The following TNNI3K variants were observed in gnomAD, a reference collection of about 807,000 sequenced individuals.
TNNI3K encodes serine/threonine-protein kinase TNNI3K.
TNNI3K carries 140 observed loss-of-function variants against 114.5 expected under a neutral mutation model. The observed-to-expected ratio is 1.22, with a 90% CI of 1.07 to 1.41. The LOEUF is 1.41. TNNI3K is among the 40% of genes most tolerant of loss of function. The pLI, the probability that TNNI3K is intolerant of heterozygous loss-of-function variation, is 0.00. For synonymous variants in TNNI3K, 347 were observed against 347.5 expected, an observed-to-expected ratio of 1.00 and a Z score of 0.02; for missense variants, 1,125 against 1,007.6, an observed-to-expected ratio of 1.12 and a Z score of -1.58.
chr1:74,254,013 ATTT>A (rs1655124202), intron 4 of TNNI3K, among the ~76,000 whole-genome samples: 1 of 152,236 alleles, frequency 6.6e-6, no homozygotes, highest in South Asian at 2.1e-4. Flanking sequence ...TATATAATTC[ATTT>A]TGGGCTCCAG....
Position 74,490,965 on chromosome 1 carries a change from T to C in TNNI3K, c.2182-1132T>C, listed in dbSNP as rs532350747. On this transcript the variant is annotated intron_variant, in intron 22 of 24. Coordinates refer to ENST00000326637, the MANE Select transcript of TNNI3K (RefSeq NM_015978.3). ...TGAATGCTAGTGGATAATAAGCTCA[T>C]TGGGAGTTAAAATATAAAGTGACTG... 2.6e-5 allele frequency among the ~76,000 whole-genome samples: 4 copies of C among 152,276 alleles called. No homozygotes were observed. The East Asian group carries it at 7.7e-4, about 29-fold the overall frequency.
At chr1:74,244,163 G>A (rs1270761254) in intron 2 of TNNI3K, among the ~76,000 whole-genome samples, 1 of 152,132 alleles carries the variant, frequency 6.6e-6, no homozygotes, top group Non-Finnish European at 1.5e-5. Flanking sequence ...TTTTAAAAAT[G>A]TACATTCCAG....
intron 5 of TNNI3K, among the ~76,000 whole-genome samples, chr1:74,278,830 A>G (rs1461466448): frequency 1.3e-5 from 2 of 152,154 alleles, no homozygotes; most frequent in Non-Finnish European, 2.9e-5. Context: ...TATTCCAGAC[A>G]TTTTATATAA....
chr1:74,428,529 T>G (rs1034201461), intron 17 of TNNI3K, among the ~76,000 whole-genome samples: 1 of 152,106 alleles, frequency 6.6e-6, no homozygotes, highest in African/African-American at 2.4e-5. Flanking sequence ...AAATAACGTC[T>G]AAAAAACAGA....
At chr1:74,533,455 CT>C (rs1646618139) in intron 23 of TNNI3K, among the ~76,000 whole-genome samples, 1 of 152,168 alleles carries the variant, frequency 6.6e-6, no homozygotes, top group African/African-American at 2.4e-5. Flanking sequence ...CACTTTTACA[CT>C]GTTGGTGGGA....
At chr1:74,250,552 C>G (rs1299698139) in intron 3 of TNNI3K, 120 bp from the exon 4 acceptor site, 1 of 814,948 alleles carries the variant, frequency 1.2e-6, no homozygotes, top group East Asian at 3.1e-5. Context: ...TACAAATGGC[C>G]TGCAGAACGC....
At position 74,305,541 on chromosome 1, in the gene TNNI3K, C is replaced by A. The variant is rs567041393; in HGVS notation, c.445-25909C>A. Among the ~76,000 whole-genome samples the A allele has an allele frequency of 3.3e-5, 5 of 152,294 alleles. No homozygotes were observed. In the South Asian group the frequency reaches 1.0e-3, roughly 32 times the overall value. On this transcript the variant is annotated intron_variant, in intron 5 of 24. Transcript: ENST00000326637. ...ACTTGCAAAGCAACTAGTCGTTGGT[C>A]TCTTTCTGCCAAGTGGAAGGGGCAC...
At chr1:74,377,795 C>T (rs1294062545) in intron 17 of TNNI3K, among the ~76,000 whole-genome samples, 2 of 151,970 alleles carry the variant, frequency 1.3e-5, no homozygotes, top group Non-Finnish European at 2.9e-5. Context: ...CCCAAGGAGC[C>T]TAGCACAGAT....
chr1:74,317,559 G>A (rs994230819), intron 5 of TNNI3K, among the ~76,000 whole-genome samples: 3 of 152,160 alleles, frequency 2.0e-5, no homozygotes, highest in East Asian at 3.8e-4. Context: ...TGAAAAGAGG[G>A]TATGTCAGGA....
At chr1:74,421,218 G>A (rs1322604611) in intron 17 of TNNI3K, among the ~76,000 whole-genome samples, 1 of 152,096 alleles carries the variant, frequency 6.6e-6, no homozygotes, top group Non-Finnish European at 1.5e-5. Context: ...TTTACTGAAT[G>A]TCCAGTGTGT....
chr1:74,480,141 TC>T, intron 21 of TNNI3K: 1 of 710,926 alleles, frequency 1.4e-6, no homozygotes, highest in Non-Finnish European at 2.6e-6. Context: ...GGCACACTTC[TC>T]CCCGGCATAC....
intron 23 of TNNI3K, among the ~76,000 whole-genome samples, chr1:74,512,849 T>A (rs1021398058): frequency 1.3e-5 from 2 of 152,182 alleles, no homozygotes; most frequent in African/African-American, 4.8e-5. Context: ...GCAGCATGCC[T>A]CACTCTACAA....
In TNNI3K at chr1:74,369,587, T is replaced by C; in HGVS notation, c.1667+2T>C. On this transcript the variant is annotated splice_donor_variant, in intron 16 of 24. Transcript: ENST00000326637. LOFTEE classifies it high-confidence loss of function. Reference sequence around the variant, plus strand: ...CTCCCTCCTTCATGAGCAGAAGAGGTATGGGTCTTTTGTTCTGATTTATCC... The same window carrying C: ...CTCCCTCCTTCATGAGCAGAAGAGGCATGGGTCTTTTGTTCTGATTTATCC... 6.3e-7 allele frequency: 1 copy of C among 1,598,110 alleles called. No individual in the cohort carries two copies. Among genetic ancestry groups the C allele is most frequent in the Non-Finnish European group, 8.5e-7 (1 of 1,173,386 alleles).
chr1:74,339,499 A>G lies in TNNI3K; in HGVS notation c.683-3343A>G, dbSNP rs551490921. The stretch of plus-strand genomic sequence containing the variant: ...TAGATCTGGACCCTGCTTGTGGTAA[A>G]TGGACATAGGAGAAAGATTAAATAA... On this transcript the variant is annotated intron_variant, in intron 7 of 24. Coordinates refer to ENST00000326637, the MANE Select transcript of TNNI3K (RefSeq NM_015978.3). 1.5e-4 allele frequency among the ~76,000 whole-genome samples: 23 copies of G among 152,246 alleles called. No homozygotes were observed. In the South Asian group the frequency reaches 4.8e-3, roughly 32 times the overall value.
At chr1:74,516,871 T>C (rs1362590677) in intron 23 of TNNI3K, among the ~76,000 whole-genome samples, 2 of 152,202 alleles carry the variant, frequency 1.3e-5, no homozygotes, top group East Asian at 1.9e-4. Flanking sequence ...AATGCCCTTA[T>C]TGCCAGTTCA....
At chr1:74,384,947 C>T (rs1570554280) in intron 17 of TNNI3K, among the ~76,000 whole-genome samples, 1 of 152,084 alleles carries the variant, frequency 6.6e-6, no homozygotes, top group East Asian at 1.9e-4. Flanking sequence ...ATGGTTTCAA[C>T]AGCACCGATA....
At chr1:74,519,598 T>G (rs987995811) in intron 23 of TNNI3K, among the ~76,000 whole-genome samples, 3 of 152,220 alleles carry the variant, frequency 2.0e-5, no homozygotes, top group African/African-American at 4.8e-5. Flanking sequence ...ATTTTTGAAT[T>G]GATTTTTAAA....
chr1:74,376,234 T>C (rs1004339668), intron 17 of TNNI3K, among the ~76,000 whole-genome samples: 1 of 151,938 alleles, frequency 6.6e-6, no homozygotes, highest in Non-Finnish European at 1.5e-5. Context: ...ATATATGCAT[T>C]TGCCTCTCAG....
At chr1:74,510,896 T>C (rs1339520831) in intron 23 of TNNI3K, among the ~76,000 whole-genome samples, 1 of 152,230 alleles carries the variant, frequency 6.6e-6, no homozygotes, top group Admixed American at 6.5e-5. Context: ...TATGCTTTTT[T>C]TCTTTTTTGA....
Sources: allele counts gnomAD v4.1 joint callset (sites outside exome capture counted in the v4.1 genomes callset), GRCh38; gene constraint gnomAD v4.1.1; transcripts MANE v1.5; gene names NCBI Gene and HGNC (gene_info 2026-07-23, HGNC 2026-07-21).